OPRM1: variants seen among roughly 807,000 people sequenced by gnomAD.
The protein encoded by OPRM1 is mu-type opioid receptor.
OPRM1 carries 27 observed loss-of-function variants against 31.8 expected under a neutral mutation model. The ratio of observed to expected loss-of-function variants is 0.85; its 90% CI spans 0.63 to 1.17. OPRM1 has a LOEUF of 1.17. Among genes scored for constraint, OPRM1 ranks in the 50% most tolerant of loss-of-function variants. The pLI, the probability that OPRM1 is intolerant of heterozygous loss-of-function variation, is 0.00. For synonymous variants in OPRM1, 196 were observed against 189.9 expected (o/e 1.03, Z -0.26); for missense variants, 536 against 511.1 (o/e 1.05, Z -0.47).
downstream of OPRM1, among the ~76,000 whole-genome samples, chr6:154,135,053 C>T (rs686633): frequency 0.17 from 25,495 of 152,242 alleles, 2,682 homozygotes; most frequent in Non-Finnish European, 0.24. Context: ...AATCTATAGT[C>T]CGCATTCTAA....
intron 3 of OPRM1, chr6:154,110,440 A>G (rs570551360): frequency 4.2e-6 from 6 of 1,430,818 alleles, no homozygotes; most frequent in South Asian, 3.7e-5. Flanking sequence ...GTGAAAGAAT[A>G]TAAGATTGGA....
intron 3 of OPRM1, among the ~76,000 whole-genome samples, chr6:154,106,324 AAATTT>A (rs1209659888): frequency 1.6e-4 from 25 of 152,224 alleles, no homozygotes; most frequent in African/African-American, 5.5e-4. Context: ...AAACCTTGGT[AAATTT>A]GAGATTTTAG....
At chr6:154,174,064 G>A (rs1800096125) in intron 3 of OPRM1, among the ~76,000 whole-genome samples, 2 of 152,136 alleles carry the variant, frequency 1.3e-5, no homozygotes, top group Admixed American at 1.3e-4. Flanking sequence ...TTCATATCCA[G>A]CCAAACTAAG....
chr6:154,089,599 A>AAT (rs1429033360), intron 1 of OPRM1, among the ~76,000 whole-genome samples: 1 of 151,514 alleles, frequency 6.6e-6, no homozygotes, highest in African/African-American at 2.4e-5. Context: ...AAAAAAAAAA[A>AAT]AGGAAGAAAC....
At chr6:154,136,552 G>A (rs929182143), downstream of OPRM1, among the ~76,000 whole-genome samples, 1 of 152,142 alleles carries the variant, frequency 6.6e-6, no homozygotes, top group Non-Finnish European at 1.5e-5. Context: ...GCCCTCTCTA[G>A]AATGGCCAGG....
intron 3 of OPRM1, among the ~76,000 whole-genome samples, chr6:154,096,569 A>G (rs1265943919): frequency 6.6e-6 from 1 of 152,124 alleles, no homozygotes; most frequent in African/African-American, 2.4e-5. Context: ...CTATAATAAT[A>G]ATGCTGCCTT....
chr6:154,211,109 A>G (rs1474525502), intron 3 of OPRM1, among the ~76,000 whole-genome samples: 1 of 152,182 alleles, frequency 6.6e-6, no homozygotes, highest in Non-Finnish European at 1.5e-5. Flanking sequence ...GACAGGTGTC[A>G]TGGTTCAGTA....
chr6:154,172,551 T>G (rs539123417), intron 3 of OPRM1, among the ~76,000 whole-genome samples: 1 of 152,292 alleles, frequency 6.6e-6, no homozygotes, highest in Admixed American at 6.5e-5. Flanking sequence ...CACAGCAGTC[T>G]GAGATTGTCC....
At chr6:154,243,339 TTGTGTGCCGCGTCACACTAAGCACA>T (rs1206685414) in intron 3 of OPRM1, among the ~76,000 whole-genome samples, 1 of 152,242 alleles carries the variant, frequency 6.6e-6, no homozygotes. Context: ...TTTGTAGGAC[TTGTGTGCCGCGTCACACTAAGCACA>T]TACTCTGTGG....
At chr6:154,208,726 T>G (rs1046313688) in intron 3 of OPRM1, among the ~76,000 whole-genome samples, 1 of 152,232 alleles carries the variant, frequency 6.6e-6, no homozygotes, top group Non-Finnish European at 1.5e-5. Context: ...TTTAGTGACT[T>G]TTATAGCTCT....
At chr6:154,094,489 G>A (rs76381659) in intron 3 of OPRM1, among the ~76,000 whole-genome samples, 5,253 of 152,324 alleles carry the variant, frequency 0.034, 137 homozygotes, top group Non-Finnish European at 0.048. Flanking sequence ...AGCCATTGGA[G>A]CTGGGCTTGG....
intron 3 of OPRM1, among the ~76,000 whole-genome samples, chr6:154,110,886 C>CAAAAAAAAAAAAAA (rs374739553): frequency 1.6e-5 from 1 of 63,610 alleles, no homozygotes; most frequent in Non-Finnish European, 3.0e-5. Flanking sequence ...GACTCCGTCT[C>CAAAAAAAAAAAAAA]AAAAAAAAAA....
intron 3 of OPRM1, among the ~76,000 whole-genome samples, chr6:154,219,534 T>A (rs547001343): frequency 6.6e-6 from 1 of 152,254 alleles, no homozygotes; most frequent in South Asian, 2.1e-4. Context: ...CTGACCTCAC[T>A]ATCACAGGGC....
rs1778847424 is a variant in OPRM1 at position 154,221,381 on chromosome 6, A to G, written c.1165-25312A>G. On this transcript the variant is annotated intron_variant, in intron 3 of 3. Coordinates refer to the OPRM1 transcript ENST00000337049. ...AAAAAATTAGTGTTTATAGTCAACA[A>G]TGGGTCTGAAAGTAAATCAGTAAAA... 2.2e-6 allele frequency: 3 copies of G among 1,370,274 alleles called. No individual in the cohort carries two copies. The South Asian group carries it at 3.6e-5, about 16-fold the overall frequency. The allele number at this position is 1,370,274 out of a possible 1,614,324, so 84.9% of individuals were successfully genotyped here. A position where few individuals can be genotyped will look rare whatever the true frequency, so the allele number is the denominator to read the frequency against.
At chr6:154,217,704 A>T (rs1005493084) in intron 3 of OPRM1, among the ~76,000 whole-genome samples, 1 of 152,212 alleles carries the variant, frequency 6.6e-6, no homozygotes, top group Admixed American at 6.5e-5. Context: ...TAACAATTTC[A>T]TGGTTCACTT....
intron 1 of OPRM1, among the ~76,000 whole-genome samples, chr6:154,047,235 G>A (rs1781292065): frequency 7.0e-6 from 1 of 142,118 alleles, no homozygotes; most frequent in South Asian, 2.3e-4. Flanking sequence ...CAGAAATGCA[G>A]GAAGGAGAGG....
chr6:154,070,120 G>C (rs1786343073), intron 1 of OPRM1, among the ~76,000 whole-genome samples: 1 of 152,202 alleles, frequency 6.6e-6, no homozygotes, highest in Non-Finnish European at 1.5e-5. Context: ...TCAGCACTCA[G>C]AACACAGGTT....
intron 3 of OPRM1, among the ~76,000 whole-genome samples, chr6:154,106,147 T>A (rs1212627791): frequency 2.6e-5 from 4 of 152,198 alleles, no homozygotes; most frequent in Non-Finnish European, 5.9e-5. Context: ...CTTAAAACAA[T>A]CCTTTAACAC....
chr6:154,093,383 C>G, intron 3 of OPRM1: 3 of 1,614,154 alleles, frequency 1.9e-6, no homozygotes, highest in Non-Finnish European at 2.5e-6. Flanking sequence ...CTATCCTTCA[C>G]TCGTCCTGCC....
Sources: gnomAD v4.1 joint callset for allele counts (sites outside exome capture counted in the v4.1 genomes callset) on GRCh38, gnomAD v4.1.1 for gene constraint, MANE v1.5 for transcripts, NCBI Gene and HGNC (gene_info 2026-07-23, HGNC 2026-07-21) for gene names.